NCOR2: variants seen among roughly 807,000 people sequenced by gnomAD.
NCOR2 encodes CTG repeat protein 26.
Under a neutral mutation model 262.9 loss-of-function variants are expected in NCOR2, and 81 were observed. That is an observed-to-expected ratio of 0.31 (90% CI 0.26 to 0.37). The LOEUF is 0.37. Ranked by LOEUF, NCOR2 falls within the 10% of genes least tolerant of loss-of-function variation. The probability of loss-of-function intolerance (pLI) is 1.00; values close to 1 mark genes in which losing one functional copy is unlikely to be tolerated. For synonymous variants in NCOR2, 1,659 were observed against 1,559.3 expected, an observed-to-expected ratio of 1.06 and a Z score of -1.51; for missense variants, 3,385 against 3,621.4, an observed-to-expected ratio of 0.93 and a Z score of 1.68.
At chr12:124,465,132 A>G (rs1411620738) in intron 5 of NCOR2, among the ~76,000 whole-genome samples, 1 of 151,790 alleles carries the variant, frequency 6.6e-6, no homozygotes, top group Non-Finnish European at 1.5e-5. Flanking sequence ...GCCAAGGAAG[A>G]TATTACAGAA....
chr12:124,455,238 T>G (rs966175199), intron 6 of NCOR2, among the ~76,000 whole-genome samples: 8 of 152,270 alleles, frequency 5.3e-5, no homozygotes, highest in African/African-American at 1.9e-4. Flanking sequence ...TGCGTGTGAA[T>G]TGTACCTCAA....
Position 124,389,020 on chromosome 12 carries a change from C to T in NCOR2, c.1877-3133G>A, listed in dbSNP as rs555166116. Among the ~76,000 whole-genome samples the T allele has an allele frequency of 1.5e-3, 231 of 152,250 alleles. 3 individuals carry two copies. Among genetic ancestry groups the T allele is most frequent in the African/African-American group, 5.4e-3 (223 of 41,568 alleles). ...CTCCAGCGGCCGCTGCCACCTCTGACGCCGTCCCCAAGCCGCTGTGGGCGC... is the reference window on the plus strand; with the variant it reads ...CTCCAGCGGCCGCTGCCACCTCTGATGCCGTCCCCAAGCCGCTGTGGGCGC... On this transcript the variant is annotated intron_variant, in intron 16 of 46. Coordinates refer to ENST00000405201, the Ensembl canonical transcript of NCOR2. The surrounding 1 kb of genome is among the most constrained non-coding windows in gnomAD (Gnocchi z 4.4).
At chr12:124,475,908 G>A (rs772450973) in intron 3 of NCOR2, among the ~76,000 whole-genome samples, 9 of 152,152 alleles carry the variant, frequency 5.9e-5, no homozygotes, top group African/African-American at 1.2e-4. Flanking sequence ...CCACACATCC[G>A]TTCACCCCAC....
chr12:124,350,577 T>G lies in NCOR2; in HGVS notation c.3844+10A>C, dbSNP rs547020949. ...CCTGGTCCTGGGCCTCCTCTCCTCC[T>G]GCGACTCACCCTCATAGGACAAGAC... On this transcript the variant is annotated intron_variant, in intron 28 of 46. Transcript: ENST00000405201. 1.7e-4 allele frequency: 271 copies of G among 1,610,310 alleles called. 4 individuals are homozygous for G. In the South Asian group the frequency reaches 2.7e-3, roughly 16 times the overall value.
intron 1 of NCOR2, among the ~76,000 whole-genome samples, chr12:124,508,643 TG>T (rs1348263669): frequency 6.6e-6 from 1 of 152,204 alleles, no homozygotes; most frequent in Non-Finnish European, 1.5e-5. Flanking sequence ...CAGACCCTGC[TG>T]GAACAGGGTC....
chr12:124,346,392 C>T (rs991625755), intron 31 of NCOR2, among the ~76,000 whole-genome samples, 172 bp downstream of exon 33: 2 of 152,128 alleles, frequency 1.3e-5, no homozygotes, highest in Admixed American at 6.5e-5. Context: ...GTGCCCCCTG[C>T]GCAGCCCTGG....
At chr12:124,502,011 C>A (rs182391256) in intron 1 of NCOR2, among the ~76,000 whole-genome samples, 2 of 152,354 alleles carry the variant, frequency 1.3e-5, no homozygotes, top group Admixed American at 1.3e-4. Flanking sequence ...GCTGTTGACA[C>A]CTTGGGTGTT....
rs370239845 is a variant in NCOR2 at position 124,481,604 on chromosome 12, G to A, written c.411+1992C>T. On this transcript the variant is annotated intron_variant, in intron 3 of 46. Transcript: ENST00000405201. The surrounding 1 kb of genome is among the most constrained non-coding windows in gnomAD (Gnocchi z 4.6). ...GTCCCCAGGTGGGAATGTGCCTGGC[G>A]TGTTTGAGGAACTCCAGGGTGGCCT... Among the ~76,000 whole-genome samples, 1 of 152,324 alleles carries A rather than the reference G, an allele frequency of 6.6e-6. No individual in the cohort carries two copies. Among genetic ancestry groups the A allele is most frequent in the African/African-American group, 2.4e-5 (1 of 41,572 alleles).
Position 124,438,014 on chromosome 12 carries a change from G to C in NCOR2, c.816-18C>G. 6.2e-7 allele frequency: 1 copy of C among 1,603,758 alleles called. No homozygotes were observed. The highest frequency in any genetic ancestry group is 8.5e-7 in the Non-Finnish European group (1 of 1,174,564). ...CCTGGTTTCTGTGCAGGAGGGAAGC[G>C]GCAGACAGGTCAGCCCGGCCGGGCT... On this transcript the variant is annotated intron_variant, in intron 7 of 46. Transcript: ENST00000405201.
intron 13 of NCOR2, 98 bp from the exon 16 acceptor site, chr12:124,402,659 A>C (rs1281558594): frequency 1.2e-5 from 19 of 1,529,244 alleles, no homozygotes; most frequent in East Asian, 9.8e-5. Context: ...CTGGGGGAGG[A>C]GGAGGAAAAC....
At chr12:124,447,683 CTTT>C (rs2045264180) in intron 7 of NCOR2, among the ~76,000 whole-genome samples, 1 of 145,662 alleles carries the variant, frequency 6.9e-6, no homozygotes, top group African/African-American at 2.8e-5. Flanking sequence ...TATTTTCTTT[CTTT>C]TTTCTTTCTT....
At chr12:124,502,779 A>G (rs1340995280) in intron 1 of NCOR2, among the ~76,000 whole-genome samples, 4 of 152,172 alleles carry the variant, frequency 2.6e-5, no homozygotes, top group African/African-American at 9.7e-5. Context: ...CTGTGTTCAA[A>G]GGACACTGTA....
chr12:124,350,170 G>C (rs963924922), intron 28 of NCOR2, among the ~76,000 whole-genome samples: 2 of 152,184 alleles, frequency 1.3e-5, no homozygotes, highest in African/African-American at 4.8e-5. Context: ...CCAGAGCCTA[G>C]AGAGGGAGAG....
intron 13 of NCOR2, among the ~76,000 whole-genome samples, chr12:124,416,835 G>C (rs935760813): frequency 7.9e-6 from 1 of 126,526 alleles, no homozygotes; most frequent in Non-Finnish European, 1.8e-5. Context: ...GGCACAGGGA[G>C]ACCCCGTGGC....
rs984554262 is a variant in NCOR2 at position 124,335,376 on chromosome 12, C to T, written c.6266-96G>A. 43 of 1,505,762 alleles carry T rather than the reference C, an allele frequency of 2.9e-5. No individual in the cohort carries two copies. In the Middle Eastern group the frequency reaches 1.0e-3, roughly 36 times the overall value. 93.3% of individuals were successfully genotyped at this position (1,505,762 alleles called of 1,614,324 possible). A position where few individuals can be genotyped will look rare whatever the true frequency, so the allele number is the denominator to read the frequency against. ...CATGCCTTTGAGCCTCATGATCCAG[C>T]CAATTCCTTGGCCTTTAGGCACCTC... On this transcript the variant is annotated intron_variant, in intron 39 of 46. Transcript: ENST00000405201.
Position 124,335,119 on chromosome 12 carries a change from G to A in NCOR2, c.6411+16C>T, listed in dbSNP as rs2035770800. ...GGTGCAAAGGTGACAAGCAGCAGCAGAGAACGCGTAGTTACACTGATGTGC... is the reference window on the plus strand; with the variant it reads ...GGTGCAAAGGTGACAAGCAGCAGCAAAGAACGCGTAGTTACACTGATGTGC... On this transcript the variant is annotated intron_variant, in intron 40 of 46. Transcript: ENST00000405201. 1.2e-6 allele frequency: 2 copies of A among 1,612,358 alleles called. No homozygotes were observed. The highest frequency in any genetic ancestry group is 1.7e-6 in the Non-Finnish European group (2 of 1,179,892).
intron 40 of NCOR2, 101 bp downstream of exon 42, chr12:124,335,034 C>A (rs1386874212): frequency 1.3e-6 from 2 of 1,572,532 alleles, no homozygotes; most frequent in African/African-American, 1.3e-5. Flanking sequence ...CCCCCAGCCA[C>A]CCCGCCAGGA....
chr12:124,487,872 TTA>T (rs1491314371), intron 1 of NCOR2, among the ~76,000 whole-genome samples: 1 of 87,918 alleles, frequency 1.1e-5, no homozygotes, highest in African/African-American at 3.8e-5. Flanking sequence ...TAAACTGTGT[TTA>T]AAAAAAAAAA....
intron 13 of NCOR2, among the ~76,000 whole-genome samples, chr12:124,409,759 C>T (rs2042465622): frequency 6.6e-6 from 1 of 152,104 alleles, no homozygotes; most frequent in Non-Finnish European, 1.5e-5. Flanking sequence ...CTCACTGCAG[C>T]CTCCACTTTC....
Sources: gnomAD v4.1 joint callset for allele counts (sites outside exome capture counted in the v4.1 genomes callset) on GRCh38, gnomAD v4.1.1 for gene constraint, Gnocchi (gnomAD v3.1) non-coding constraint, MANE v1.5 for transcripts, NCBI Gene and HGNC (gene_info 2026-07-23, HGNC 2026-07-21) for gene names.